Variants in ANK3 observed in about 807,000 individuals in gnomAD.
ANK3 encodes ankyrin-3.
Under a neutral mutation model 370.9 loss-of-function variants are expected in ANK3, and 57 were observed. The observed-to-expected ratio is 0.15, with a 90% CI of 0.12 to 0.19. The LOEUF (loss-of-function observed/expected upper bound fraction) is 0.19. Among genes scored for constraint, ANK3 ranks in the 10% least tolerant of loss-of-function variants. The pLI, the probability that ANK3 is intolerant of heterozygous loss-of-function variation, is 1.00. For missense variants in ANK3, 4,439 were observed against 5,302.1 expected (o/e 0.84, Z 5.06); for synonymous variants, 1,929 against 1,946.3 (o/e 0.99, Z 0.23).
At chr10:60,485,318 A>G (rs963266796) in intron 2 of ANK3, among the ~76,000 whole-genome samples, 1 of 151,900 alleles carries the variant, frequency 6.6e-6, no homozygotes, top group African/African-American at 2.4e-5. Flanking sequence ...GGAAGGCTAC[A>G]GTCTCGGCAA....
chr10:60,694,509 TA>T, intron 1 of ANK3, among the ~76,000 whole-genome samples: 1 of 152,048 alleles, frequency 6.6e-6, no homozygotes, highest in Non-Finnish European at 1.5e-5. Context: ...AAGGTCGGGT[TA>T]CCCTCAAAGG....
intron 1 of ANK3, among the ~76,000 whole-genome samples, chr10:60,335,156 G>C (rs2219533): frequency 0.7 from 105,656 of 151,858 alleles, 37,839 homozygotes; most frequent in South Asian, 0.9. Flanking sequence ...CCACGGTATG[G>C]AATGCTTCCC....
intron 2 of ANK3, among the ~76,000 whole-genome samples, chr10:60,591,987 A>G (rs10761525): frequency 0.47 from 71,623 of 151,978 alleles, 17,277 homozygotes; most frequent in Middle Eastern, 0.52. Context: ...AAAAATAGAA[A>G]GAATAAATAA....
intron 28 of ANK3, among the ~76,000 whole-genome samples, chr10:60,103,044 G>C (rs918842916): frequency 6.6e-6 from 1 of 151,884 alleles, no homozygotes; most frequent in African/African-American, 2.4e-5. Flanking sequence ...TGCGCCTCCC[G>C]GGTTCAAGTG....
chr10:60,458,403 G>A (rs2064803997), intron 2 of ANK3, among the ~76,000 whole-genome samples: 2 of 152,070 alleles, frequency 1.3e-5, no homozygotes, highest in South Asian at 2.1e-4. Flanking sequence ...TACACCTTAG[G>A]TTACTGTGAT....
intron 1 of ANK3, among the ~76,000 whole-genome samples, chr10:60,674,026 G>A (rs1001289073): frequency 6.6e-6 from 1 of 152,098 alleles, no homozygotes; most frequent in Non-Finnish European, 1.5e-5. Flanking sequence ...AAGCCTACTG[G>A]AGCCATAAAT....
chr10:60,203,183 C>T, intron 11 of ANK3, 83 bp from the exon 12 acceptor site: 1 of 855,502 alleles, frequency 1.2e-6, no homozygotes, highest in Non-Finnish European at 1.9e-6. Context: ...TGTCATCCAT[C>T]CACCCATCTA....
chr10:60,273,064 TC>T (rs1592851597), intron 4 of ANK3, among the ~76,000 whole-genome samples: 1 of 152,156 alleles, frequency 6.6e-6, no homozygotes, highest in African/African-American at 2.4e-5. Flanking sequence ...CGGGAGTTTC[TC>T]AAGAGTTATT....
At chr10:60,332,868 A>G (rs2051726176) in intron 1 of ANK3, among the ~76,000 whole-genome samples, 2 of 152,216 alleles carry the variant, frequency 1.3e-5, no homozygotes, top group African/African-American at 4.8e-5. Context: ...AAAAGTGGTT[A>G]CAAGACAAAA....
chr10:60,108,548 CCTTGA>C (rs1233713149), intron 27 of ANK3, among the ~76,000 whole-genome samples: 1 of 152,048 alleles, frequency 6.6e-6, no homozygotes, highest in African/African-American at 2.4e-5. Flanking sequence ...TAGAATGGTG[CCTTGA>C]CTTCTACAGG....
rs2065155339 is a variant in ANK3, at chr10:60,469,624, GGTATAT to G, written c.96+145556_96+145561del. Reference sequence around the variant, plus strand: ...TGGTATATATATATATATATATGGTGGTATATATATATATATATATATATATATATG... The same window carrying G: ...TGGTATATATATATATATATATGGTGATATATATATATATATATATATATG... On this transcript the variant is annotated intron_variant, in intron 2 of 43. Coordinates refer to the ANK3 transcript ENST00000373827. 4.0e-4 allele frequency among the ~76,000 whole-genome samples: 2 copies of G among 5,062 alleles called. 1 individual carries two copies. The highest frequency in any genetic ancestry group is 1.9e-3 in the African/African-American group (2 of 1,076). The allele number at this position is 5,062 out of a possible 152,430, so 3.3% of individuals were successfully genotyped here.
At chr10:60,150,485 C>A in intron 23 of ANK3, among the ~76,000 whole-genome samples, 1 of 152,136 alleles carries the variant, frequency 6.6e-6, no homozygotes, top group East Asian at 1.9e-4. Flanking sequence ...TCTCTCATGG[C>A]ACCTGACATG....
intron 1 of ANK3, among the ~76,000 whole-genome samples, chr10:60,375,576 G>A (rs1473474131): frequency 1.3e-5 from 2 of 152,094 alleles, no homozygotes; most frequent in African/African-American, 2.4e-5. Context: ...ACTGACTGTC[G>A]GGGTGCTGGT....
intron 1 of ANK3, among the ~76,000 whole-genome samples, chr10:60,689,148 T>G (rs2079312539): frequency 6.6e-6 from 1 of 151,904 alleles, no homozygotes; most frequent in Non-Finnish European, 1.5e-5. Flanking sequence ...ACCTATAATC[T>G]TAGCACTTCG....
chr10:60,230,651 G>A (rs2097225817), intron 8 of ANK3, among the ~76,000 whole-genome samples: 1 of 152,202 alleles, frequency 6.6e-6, no homozygotes, highest in African/African-American at 2.4e-5. Flanking sequence ...AGCACTTTGA[G>A]AGGCTGAGAT....
chr10:60,648,767 T>TAA (rs796546062), intron 1 of ANK3, among the ~76,000 whole-genome samples: 6 of 112,254 alleles, frequency 5.3e-5, no homozygotes, highest in African/African-American at 1.0e-4. Context: ...AAGACTGTCT[T>TAA]AAAAAAAAAA....
At chr10:60,498,988 T>A (rs908903301) in intron 2 of ANK3, among the ~76,000 whole-genome samples, 1 of 152,224 alleles carries the variant, frequency 6.6e-6, no homozygotes, top group African/African-American at 2.4e-5. Flanking sequence ...CACATTATCT[T>A]CTCACAGTAT....
intron 1 of ANK3, among the ~76,000 whole-genome samples, chr10:60,669,799 A>G (rs1589001134): frequency 6.6e-6 from 1 of 152,024 alleles, no homozygotes; most frequent in East Asian, 1.9e-4. Flanking sequence ...TTCCCTTTCT[A>G]TAATCTCAGC....
intron 2 of ANK3, among the ~76,000 whole-genome samples, chr10:60,395,639 TC>T (rs1270198701): frequency 6.6e-6 from 1 of 151,582 alleles, no homozygotes; most frequent in African/African-American, 2.4e-5. Flanking sequence ...TCTCTCTCTC[TC>T]TCTCTCTCTC....
Sources: allele counts gnomAD v4.1 joint callset (sites outside exome capture counted in the v4.1 genomes callset), GRCh38; gene constraint gnomAD v4.1.1; transcripts MANE v1.5; gene names NCBI Gene and HGNC (gene_info 2026-07-23, HGNC 2026-07-21).